The following CDK13 variants were observed in gnomAD, a reference collection of about 807,000 sequenced individuals.
CDK13 encodes the protein cyclin-dependent kinase 13.
A neutral mutation model predicts 137.6 loss-of-function variants in CDK13; 40 were observed. The ratio of observed to expected loss-of-function variants is 0.29; its 90% CI spans 0.23 to 0.38. CDK13 has a LOEUF of 0.38. Ranked by LOEUF, CDK13 falls within the 10% of genes least tolerant of loss-of-function variation. The probability of loss-of-function intolerance (pLI) is 1.00; values close to 1 mark genes in which losing one functional copy is unlikely to be tolerated. For missense variants in CDK13, 1,704 were observed against 1,951.8 expected (o/e 0.87, Z 2.39); for synonymous variants, 869 against 760.1 (o/e 1.14, Z -2.36).
chr7:39,951,079 C>T lies in CDK13; in HGVS notation c.438C>T (p.Tyr146=), dbSNP rs1303502515. 2.4e-5 allele frequency: 30 copies of T among 1,268,870 alleles called. No individual in the cohort carries two copies. Among genetic ancestry groups the T allele is most frequent in the Non-Finnish European group, 3.0e-5 (30 of 1,009,070 alleles). The allele number at this position is 1,268,870 out of a possible 1,614,324, so 78.6% of individuals were successfully genotyped here. A position where few individuals can be genotyped will look rare whatever the true frequency, so the allele number is the denominator to read the frequency against. Residue 146 remains tyrosine (Y), a synonymous_variant, in exon 1 of 14, where the codon TAC becomes TAT. Coordinates refer to ENST00000181839, the MANE Select transcript of CDK13 (RefSeq NM_003718.5). ...GGGGTGTGACCCCGCTGGTGGAATA[C>T]GAGGATGTGAGCTCCCAGTCCGAGC... is the stretch of plus-strand genomic sequence containing the variant. The part of the protein sequence containing the change: ...SGGGVTPLVE[Y]EDVSSQSEQG...
At chr7:40,003,553 A>G (rs1583975712) in intron 5 of CDK13, among the ~76,000 whole-genome samples, 1 of 152,238 alleles carries the variant, frequency 6.6e-6, no homozygotes, top group Middle Eastern at 3.4e-3. Context: ...TGAGTCTGTT[A>G]TCCCTTCATC....
rs1331878098 is a variant in CDK13 at position 40,095,561 on chromosome 7, TCAA to T, written c.*583_*585del. The T allele has an allele frequency of 6.7e-6, 1 of 150,082 alleles. No homozygotes were observed. Among genetic ancestry groups the T allele is most frequent in the African/African-American group, 2.4e-5 (1 of 40,822 alleles). 9.3% of individuals were successfully genotyped at this position (150,082 alleles called of 1,614,324 possible). ...AACAGTTTTATAAAAAAAAAAATGG[TCAA>T]CGTTATTTTTGTTTTGTTTTGCAGA... On this transcript the variant is annotated 3_prime_UTR_variant, in exon 14 of 14. Coordinates refer to ENST00000181839, the MANE Select transcript of CDK13 (RefSeq NM_003718.5).
intron 12 of CDK13, among the ~76,000 whole-genome samples, chr7:40,091,841 C>T (rs1044522216): frequency 1.1e-4 from 17 of 152,152 alleles, no homozygotes; most frequent in African/African-American, 4.1e-4. Flanking sequence ...AGTTCCTCTT[C>T]TATCAATCTG....
chr7:40,046,181 T>C (rs909249061), intron 6 of CDK13, among the ~76,000 whole-genome samples, 156 bp downstream of exon 6: 1 of 152,088 alleles, frequency 6.6e-6, no homozygotes, highest in Non-Finnish European at 1.5e-5. Flanking sequence ...GGGTGATGGG[T>C]ACCCCAGAAG....
chr7:39,974,556 C>CTTTTTTTT (rs59844316), intron 1 of CDK13, among the ~76,000 whole-genome samples: 6 of 132,990 alleles, frequency 4.5e-5, no homozygotes, highest in African/African-American at 8.4e-5. Flanking sequence ...TTCTTTTTTT[C>CTTTTTTTT]TTTTTTTTTT....
chr7:39,976,704 C>T (rs1185360504), intron 1 of CDK13, among the ~76,000 whole-genome samples: 1 of 151,920 alleles, frequency 6.6e-6, no homozygotes, highest in African/African-American at 2.4e-5. Flanking sequence ...ATAAATTAGG[C>T]ACAGTAAGAG....
In CDK13 at chr7:40,094,315, A is replaced by C; in HGVS notation, c.3874A>C (p.Thr1292Pro). The part of the protein sequence containing the change: ...QHVPTTSSSL[T>P]DPHAGVKAAL... Reference sequence around the variant, plus strand: ...TGTACCCACCACCAGTTCTTCATTAACTGACCCTCATGCCGGAGTGAAGGC... The same window carrying C: ...TGTACCCACCACCAGTTCTTCATTACCTGACCCTCATGCCGGAGTGAAGGC... The change falls in exon 14 of 14, where the codon ACT becomes CCT. Residue 1292 changes from threonine to proline, a missense_variant. Around this residue, in one of 5 missense-constraint regions of CDK13, gnomAD observed 475 missense variants for 579.3 expected, o/e 0.82. Coordinates refer to ENST00000181839, the MANE Select transcript of CDK13 (RefSeq NM_003718.5). 6.2e-7 allele frequency: 1 copy of C among 1,613,352 alleles called. No individual in the cohort carries two copies. Among genetic ancestry groups the C allele is most frequent in the Non-Finnish European group, 8.5e-7 (1 of 1,179,708 alleles).
chr7:40,090,229 T>C (rs1423487377), intron 12 of CDK13, among the ~76,000 whole-genome samples: 1 of 152,258 alleles, frequency 6.6e-6, no homozygotes, highest in Non-Finnish European at 1.5e-5. Context: ...CTACCAAACG[T>C]AGTAGTTTAC....
chr7:39,959,899 T>C (rs1354912480), intron 1 of CDK13, among the ~76,000 whole-genome samples: 2 of 152,084 alleles, frequency 1.3e-5, no homozygotes, highest in African/African-American at 4.8e-5. Flanking sequence ...CTTTTATCTT[T>C]TAACCTTCTT....
chr7:40,015,940 A>G (rs1784994424), intron 5 of CDK13, among the ~76,000 whole-genome samples: 1 of 152,162 alleles, frequency 6.6e-6, no homozygotes, highest in Non-Finnish European at 1.5e-5. Flanking sequence ...ATAATAAGGG[A>G]AATGCAAAGA....
intron 1 of CDK13, chr7:39,986,212 A>G (rs1784335263): frequency 6.6e-6 from 1 of 152,218 alleles, no homozygotes; most frequent in South Asian, 2.1e-4. Flanking sequence ...TGATGAGGGC[A>G]TTAAATGAGA....
At chr7:40,033,223 T>A (rs1785416164) in intron 5 of CDK13, among the ~76,000 whole-genome samples, 1 of 152,190 alleles carries the variant, frequency 6.6e-6, no homozygotes, top group African/African-American at 2.4e-5. Context: ...CCCAAAGTGC[T>A]GGGATTACAG....
intron 5 of CDK13, among the ~76,000 whole-genome samples, chr7:40,013,253 AAG>A (rs1211967966): frequency 1.3e-5 from 2 of 152,162 alleles, no homozygotes; most frequent in African/African-American, 2.4e-5. Context: ...CTAGGGGCTT[AAG>A]AGAGAGAGGA....
rs188114917 is a variant in CDK13 at position 40,084,754 on chromosome 7, G to A, written c.3030-3372G>A. On this transcript the variant is annotated intron_variant, in intron 11 of 13. Coordinates refer to ENST00000181839, the MANE Select transcript of CDK13 (RefSeq NM_003718.5). ...AATTAATACATTGCCTACTTTGTAA[G>A]AGGCACTGCTGAAGAGCTTGCACAT... 3.9e-5 allele frequency among the ~76,000 whole-genome samples: 6 copies of A among 152,294 alleles called. No individual in the cohort carries two copies. The East Asian group carries it at 1.2e-3, about 29-fold the overall frequency.
At chr7:39,980,526 T>TG (rs1237079406) in intron 1 of CDK13, among the ~76,000 whole-genome samples, 4 of 152,276 alleles carry the variant, frequency 2.6e-5, no homozygotes, top group Middle Eastern at 3.4e-3. Context: ...CATACCTTTT[T>TG]GGGGGGGTTA....
At chr7:39,979,710 G>C (rs1784184274) in intron 1 of CDK13, among the ~76,000 whole-genome samples, 1 of 152,198 alleles carries the variant, frequency 6.6e-6, no homozygotes. Flanking sequence ...CATTTTAAGA[G>C]GAACTTCGTA....
At chr7:40,011,661 G>C (rs1443575049) in intron 5 of CDK13, among the ~76,000 whole-genome samples, 2 of 152,052 alleles carry the variant, frequency 1.3e-5, no homozygotes, top group African/African-American at 4.8e-5. Flanking sequence ...TTAAATGTAA[G>C]CACTAAAACC....
intron 5 of CDK13, among the ~76,000 whole-genome samples, chr7:40,017,013 A>T (rs1785018923): frequency 6.6e-6 from 1 of 152,130 alleles, no homozygotes; most frequent in Non-Finnish European, 1.5e-5. Flanking sequence ...TTCAGTTTCC[A>T]CAAATTTTTT....
Position 40,071,684 on chromosome 7 carries a change from T to C in CDK13, c.2781-6321T>C, listed in dbSNP as rs938891209. On this transcript the variant is annotated intron_variant, in intron 9 of 13. Coordinates refer to ENST00000181839, the MANE Select transcript of CDK13 (RefSeq NM_003718.5). ...CAGATCTTCCAAATGTAATGTTTTATGTTATATAATTTGTACCACCACTGA... is the reference window on the plus strand; with the variant it reads ...CAGATCTTCCAAATGTAATGTTTTACGTTATATAATTTGTACCACCACTGA... 9 of 152,246 alleles carry C rather than the reference T, an allele frequency of 5.9e-5. No individual in the cohort carries two copies. In the South Asian group the frequency reaches 6.2e-4, roughly 10 times the overall value. The allele number at this position is 152,246 out of a possible 1,614,324, so 9.4% of individuals were successfully genotyped here. A position where few individuals can be genotyped will look rare whatever the true frequency, so the allele number is the denominator to read the frequency against.
Sources: gnomAD v4.1 joint callset for allele counts (sites outside exome capture counted in the v4.1 genomes callset) on GRCh38, gnomAD v4.1.1 for gene constraint, gnomAD v4.1.1 regional missense constraint, MANE v1.5 for transcripts, NCBI Gene and HGNC (gene_info 2026-07-23, HGNC 2026-07-21) for gene names.